The following ZNF736 variants were observed in gnomAD, a reference collection of about 807,000 sequenced individuals.
ZNF736 encodes the protein KRAB-containing zinc-finger repressor protein.
In ZNF736, 6 loss-of-function variants were observed where a neutral mutation model predicts 11.7. The ratio of observed to expected loss-of-function variants is 0.51; its 90% CI spans 0.28 to 1.01. The LOEUF (loss-of-function observed/expected upper bound fraction) is 1.01. ZNF736 is among the 50% of genes least tolerant of loss of function. ZNF736 has a pLI of 0.09. For missense variants in ZNF736, 444 were observed against 496.0 expected (o/e 0.90, Z 1.00); for synonymous variants, 139 against 164.7 (o/e 0.84, Z 1.19).
At position 64,314,147 on chromosome 7, in the gene ZNF736, G is replaced by A. The variant is rs1466942781; in HGVS notation, c.-4G>A. 6 of 1,552,252 alleles carry A rather than the reference G, an allele frequency of 3.9e-6. No individual in the cohort carries two copies. The highest frequency in any genetic ancestry group is 5.2e-6 in the Non-Finnish European group (6 of 1,147,362). On this transcript the variant is annotated 5_prime_UTR_variant, in exon 1 of 4. Transcript: ENST00000423484. ...AGGACGGCGGAACATCTGGAGGCTG[G>A]GAAATGGTGAGTGCGTGGAGTGGGT...
At position 64,349,029 on chromosome 7, in the gene ZNF736, G is replaced by T. The variant is rs1315931087; in HGVS notation, c.1166G>T (p.Arg389Ile). 2.5e-6 allele frequency: 4 copies of T among 1,604,354 alleles called. No homozygotes were observed. The highest frequency in any genetic ancestry group is 1.1e-5 in the South Asian group (1 of 89,742). The change falls in exon 4 of 4, where the codon AGA (arginine) becomes ATA (isoleucine). Residue 389 changes from arginine (R) to isoleucine (I), a missense_variant. Physicochemically the swap from Arg to Ile is moderately conservative, Grantham distance 97 (BLOSUM62 -3). Coordinates refer to ENST00000423484, the MANE Select transcript of ZNF736 (RefSeq NM_001170905.3). ...KCFSDLTNHK[R>I]IHTGEKPYKC... ...TTCTCAGACCTGACTAATCATAAGA[G>T]AATTCACACTGGAGAGAAACCCTAC... is the stretch of plus-strand genomic sequence containing the variant.
At chr7:64,325,762 G>C (rs1245611030) in intron 1 of ZNF736, among the ~76,000 whole-genome samples, 1 of 152,160 alleles carries the variant, frequency 6.6e-6, no homozygotes, top group Non-Finnish European at 1.5e-5. Context: ...ATAGGACTTT[G>C]TCAGCCTTTT....
chr7:64,349,039 TGGAGAGAAACCC>T lies in ZNF736; in HGVS notation c.1177_1188del (p.Gly393_Pro396del). ...TGACTAATCATAAGAGAATTCACAC[TGGAGAGAAACCC>T]TACAAATGTGAAGAATGTGGCAAAG... On this transcript the variant is annotated inframe_deletion, in exon 4 of 4. Coordinates refer to ENST00000423484, the MANE Select transcript of ZNF736 (RefSeq NM_001170905.3). 6.2e-7 allele frequency: 1 copy of T among 1,606,192 alleles called. No homozygotes were observed. The highest frequency in any genetic ancestry group is 8.5e-7 in the Non-Finnish European group (1 of 1,175,846).
At chr7:64,338,770 C>G (rs1345880301) in intron 3 of ZNF736, among the ~76,000 whole-genome samples, 1 of 147,330 alleles carries the variant, frequency 6.8e-6, no homozygotes, top group Non-Finnish European at 1.5e-5. Flanking sequence ...GCTTTTGTAT[C>G]TTGACAATTG....
chr7:64,350,601 G>A lies in ZNF736; in HGVS notation c.*1454G>A, dbSNP rs1434605778. The A allele has an allele frequency of 2.0e-5, 3 of 151,520 alleles. No homozygotes were observed. The highest frequency in any genetic ancestry group is 4.4e-5 in the Non-Finnish European group (3 of 67,938). The allele number at this position is 151,520 out of a possible 1,614,324, so 9.4% of individuals were successfully genotyped here. A position where few individuals can be genotyped will look rare whatever the true frequency, so the allele number is the denominator to read the frequency against. On this transcript the variant is annotated 3_prime_UTR_variant, in exon 4 of 4. Coordinates refer to ENST00000423484, the MANE Select transcript of ZNF736 (RefSeq NM_001170905.3). Reference sequence around the variant, plus strand: ...CATTTGGATGAAAGAAGTCACTCTGGCTTTTTGTGTTTTTATCTTTGCACT... The same window carrying A: ...CATTTGGATGAAAGAAGTCACTCTGACTTTTTGTGTTTTTATCTTTGCACT...
At chr7:64,345,860 A>G (rs1271517848) in intron 3 of ZNF736, among the ~76,000 whole-genome samples, 2 of 151,920 alleles carry the variant, frequency 1.3e-5, no homozygotes, top group Non-Finnish European at 1.5e-5. Flanking sequence ...TAAAATTTCA[A>G]TTAAAAAAAT....
chr7:64,327,360 C>T (rs1789096644), intron 1 of ZNF736, among the ~76,000 whole-genome samples: 1 of 152,126 alleles, frequency 6.6e-6, no homozygotes, highest in African/African-American at 2.4e-5. Context: ...TTTCCATTTG[C>T]ATGAAATATC....
At chr7:64,331,353 A>G (rs930088348) in intron 1 of ZNF736, among the ~76,000 whole-genome samples, 2 of 152,152 alleles carry the variant, frequency 1.3e-5, no homozygotes, top group Non-Finnish European at 2.9e-5. Flanking sequence ...GTTTTACTGC[A>G]CAGTCTCACA....
rs865958289 is a variant in ZNF736 at position 64,332,232 on chromosome 7, C to A, written c.4-4027C>A. On this transcript the variant is annotated intron_variant, in intron 1 of 3. Transcript: ENST00000423484. Reference sequence around the variant, plus strand: ...TCTCTACTGTCGGGGAACCTGCCCCCAGTCTTTCTATTTTCCATAAGTGTC... The same window carrying A: ...TCTCTACTGTCGGGGAACCTGCCCCAAGTCTTTCTATTTTCCATAAGTGTC... Among the ~76,000 whole-genome samples, 7 of 150,876 alleles carry A rather than the reference C, an allele frequency of 4.6e-5. No individual in the cohort carries two copies. The South Asian group carries it at 8.4e-4, about 18-fold the overall frequency.
At chr7:64,339,769 G>T (rs1222501990) in intron 3 of ZNF736, among the ~76,000 whole-genome samples, 1 of 137,284 alleles carries the variant, frequency 7.3e-6, no homozygotes, top group East Asian at 1.9e-4. Flanking sequence ...GATATTCAGT[G>T]TTTCTTGTAA....
At chr7:64,330,159 T>TG (rs929075381) in intron 1 of ZNF736, among the ~76,000 whole-genome samples, 1 of 151,624 alleles carries the variant, frequency 6.6e-6, no homozygotes, top group African/African-American at 2.4e-5. Flanking sequence ...AGTGGGGTTT[T>TG]TTTTGTTTTG....
chr7:64,321,937 A>G (rs1789009395), intron 1 of ZNF736, among the ~76,000 whole-genome samples: 1 of 152,258 alleles, frequency 6.6e-6, no homozygotes, highest in Non-Finnish European at 1.5e-5. Flanking sequence ...CGGTTTATAA[A>G]GTAAGAAGCA....
chr7:64,338,422 C>G (rs915590620), intron 3 of ZNF736, among the ~76,000 whole-genome samples: 3 of 152,186 alleles, frequency 2.0e-5, no homozygotes, highest in South Asian at 2.1e-4. Flanking sequence ...TTTCAGTAGT[C>G]ATAAAGCTGT....
At chr7:64,318,712 T>C (rs936849791) in intron 1 of ZNF736, among the ~76,000 whole-genome samples, 14 of 152,200 alleles carry the variant, frequency 9.2e-5, no homozygotes, top group African/African-American at 9.6e-5. Context: ...CATGACCAGT[T>C]ATCTTTAAGT....
chr7:64,324,185 T>TATA (rs1432668397), intron 1 of ZNF736, among the ~76,000 whole-genome samples: 1 of 152,214 alleles, frequency 6.6e-6, no homozygotes, highest in Non-Finnish European at 1.5e-5. Flanking sequence ...ATGCTCATGC[T>TATA]ATAATAACTT....
At chr7:64,338,544 C>T (rs1789291618) in intron 3 of ZNF736, among the ~76,000 whole-genome samples, 1 of 152,186 alleles carries the variant, frequency 6.6e-6, no homozygotes, top group South Asian at 2.1e-4. Context: ...ATACTCTCTT[C>T]TTCTAGGAGT....
rs773748376 is a variant in ZNF736 at position 64,348,664 on chromosome 7, G to A, written c.801G>A (p.Lys267=). 3.7e-6 allele frequency: 6 copies of A among 1,606,450 alleles called. No individual in the cohort carries two copies. Among genetic ancestry groups the A allele is most frequent in the Non-Finnish European group, 4.2e-6 (5 of 1,176,622 alleles). The change falls in exon 4 of 4, where the codon AAG becomes AAA. Residue 267 remains lysine (K), a synonymous_variant. Coordinates refer to ENST00000423484, the MANE Select transcript of ZNF736 (RefSeq NM_001170905.3). ...GTGAAGAATGTGGCAAAGCCTTTAA[G>A]TGCTTCTCAGACCTTACTAATCATA... ...YKCEECGKAF[K]CFSDLTNHKR...
intron 3 of ZNF736, among the ~76,000 whole-genome samples, chr7:64,338,123 G>A (rs1476539978): frequency 6.6e-6 from 1 of 152,036 alleles, no homozygotes; most frequent in Non-Finnish European, 1.5e-5. Flanking sequence ...GTTTTATTTA[G>A]TATGAAGCTC....
At chr7:64,338,575 A>C (rs527720106) in intron 3 of ZNF736, among the ~76,000 whole-genome samples, 2 of 152,288 alleles carry the variant, frequency 1.3e-5, no homozygotes, top group Admixed American at 1.3e-4. Context: ...TATATTCTCC[A>C]TAGAAGTGAG....
Sources: allele counts gnomAD v4.1 joint callset (sites outside exome capture counted in the v4.1 genomes callset), GRCh38; gene constraint gnomAD v4.1.1; transcripts MANE v1.5; gene names NCBI Gene and HGNC (gene_info 2026-07-23, HGNC 2026-07-21).